The following SETX variants were observed in gnomAD, a reference collection of about 807,000 sequenced individuals.
SETX encodes the protein senataxin, also known as helicase senataxin.
SETX carries 90 observed loss-of-function variants against 227.2 expected under a neutral mutation model. That is an observed-to-expected ratio of 0.40 (90% CI 0.33 to 0.47). The LOEUF is 0.47. Among genes scored for constraint, SETX ranks in the 20% least tolerant of loss-of-function variants. SETX has a pLI of 0.91. For synonymous variants in SETX, 1,210 were observed against 1,113.2 expected (o/e 1.09, Z -1.73); for missense variants, 3,052 against 3,181.5 (o/e 0.96, Z 0.98).
At position 132,283,397 on chromosome 9, in the gene SETX, T is replaced by G. The variant is rs1405402191; in HGVS notation, c.6413A>C (p.Gln2138Pro). Reference sequence around the variant, plus strand: ...TAAGATGATGATACTCTGTGTTTTCTGTGGGCGTCCTTGAACCTAAGAGAA... The same window carrying G: ...TAAGATGATGATACTCTGTGTTTTCGGTGGGCGTCCTTGAACCTAAGAGAA... ...SKIKEVQGRP[Q>P]KTQSIIILES... The change falls in exon 19 of 26, where the codon CAG (glutamine) becomes CCG (proline). Residue 2138 changes from glutamine to proline, a missense_variant. This residue lies in a region of SETX where 412 missense variants were observed against 589.0 expected (regional missense o/e 0.70). Coordinates refer to ENST00000224140, the MANE Select transcript of SETX (RefSeq NM_015046.7). The G allele has an allele frequency of 5.0e-6, 8 of 1,614,234 alleles. No homozygotes were observed.
intron 10 of SETX, among the ~76,000 whole-genome samples, chr9:132,324,660 C>T (rs1337204553): frequency 6.6e-6 from 1 of 152,174 alleles, no homozygotes; most frequent in Non-Finnish European, 1.5e-5. Flanking sequence ...ATGGTCACTT[C>T]CAGAGAGCAG....
At chr9:132,336,212 C>T in intron 6 of SETX, 84 bp downstream of exon 6, 1 of 1,146,494 alleles carries the variant, frequency 8.7e-7, no homozygotes, top group Non-Finnish European at 1.3e-6. Context: ...CACTGCACTC[C>T]AGCCTGGGCA....
chr9:132,284,962 T>A (rs1843758652), intron 18 of SETX, among the ~76,000 whole-genome samples: 2 of 151,864 alleles, frequency 1.3e-5, no homozygotes, highest in South Asian at 2.1e-4. Flanking sequence ...CACTGCAAGC[T>A]CTGCCTCCCA....
chr9:132,268,950 C>G (rs1842773470), intron 25 of SETX, among the ~76,000 whole-genome samples: 1 of 152,138 alleles, frequency 6.6e-6, no homozygotes, highest in Admixed American at 6.5e-5. Context: ...CCAGGGGAAA[C>G]AGCCACCAAG....
intron 25 of SETX, among the ~76,000 whole-genome samples, chr9:132,267,340 C>G (rs1481850511): frequency 6.6e-6 from 1 of 152,200 alleles, no homozygotes; most frequent in African/African-American, 2.4e-5. Flanking sequence ...TAGCCTGTGG[C>G]TCAAACACAT....
chr9:132,336,133 C>G (rs1350249980), intron 6 of SETX, among the ~76,000 whole-genome samples, 163 bp downstream of exon 6: 2 of 152,154 alleles, frequency 1.3e-5, no homozygotes, highest in Non-Finnish European at 2.9e-5. Flanking sequence ...ATCACAGCTA[C>G]TCGGGAGGCT....
chr9:132,277,884 T>C (rs1174412696), intron 21 of SETX, among the ~76,000 whole-genome samples, 186 bp downstream of exon 21: 1 of 152,164 alleles, frequency 6.6e-6, no homozygotes, highest in African/African-American at 2.4e-5. Context: ...TAGGTGACTT[T>C]TTCCCCTTTT....
chr9:132,305,972 T>C (rs902208554), intron 11 of SETX, among the ~76,000 whole-genome samples: 8 of 152,212 alleles, frequency 5.3e-5, no homozygotes, highest in South Asian at 2.1e-4. Context: ...GTGAAGGTTA[T>C]AGGAACTCTA....
At chr9:132,323,621 G>T (rs1390431049) in intron 10 of SETX, among the ~76,000 whole-genome samples, 2 of 152,192 alleles carry the variant, frequency 1.3e-5, no homozygotes, top group African/African-American at 2.4e-5. Flanking sequence ...TGGAAGGAAG[G>T]CCAGGCGGGA....
chr9:132,296,982 A>G lies in SETX; in HGVS notation c.5854T>C (p.Ser1952Pro), dbSNP rs768960184. ...IETAYAMVKHSPSVAKICLIH... is the reference protein window; with the variant it reads ...IETAYAMVKHPPSVAKICLIH... ...AAGCAGATTTTGGCAACTGATGGTGAGTGTTTCACCATAGCATATGCAGTT... is the reference window on the plus strand; with the variant it reads ...AAGCAGATTTTGGCAACTGATGGTGGGTGTTTCACCATAGCATATGCAGTT... The change falls in exon 14 of 26, where the codon TCA becomes CCA. Residue 1952 changes from serine (S) to proline (P), a missense_variant. Transcript: ENST00000224140. 1.9e-6 allele frequency: 3 copies of G among 1,613,894 alleles called. No homozygotes were observed. The highest frequency in any genetic ancestry group is 2.5e-6 in the Non-Finnish European group (3 of 1,179,934).
intron 4 of SETX, among the ~76,000 whole-genome samples, chr9:132,345,075 G>A (rs1848210132): frequency 6.6e-6 from 1 of 152,104 alleles, no homozygotes; most frequent in Non-Finnish European, 1.5e-5. Flanking sequence ...CCCAAAAGGG[G>A]TATTCAGCAA....
intron 11 of SETX, among the ~76,000 whole-genome samples, chr9:132,301,632 G>C (rs1845002414): frequency 6.6e-6 from 1 of 152,124 alleles, no homozygotes; most frequent in Non-Finnish European, 1.5e-5. Flanking sequence ...GTAACATGCT[G>C]TACAGGTTGG....
In SETX at chr9:132,328,417, G is replaced by C. The variant is rs111537259; in HGVS notation, c.3181C>G (p.Pro1061Ala). 2.4e-5 allele frequency: 38 copies of C among 1,613,802 alleles called. No homozygotes were observed. The highest frequency in any genetic ancestry group is 2.3e-4 in the African/African-American group (17 of 74,986). Residue 1061 changes from proline (P) to alanine (A), a missense_variant, in exon 10 of 26, where the codon CCA (proline) becomes GCA (alanine). By Grantham distance (27) the Pro-to-Ala change is conservative. Coordinates refer to ENST00000224140, the MANE Select transcript of SETX (RefSeq NM_015046.7). ...STVNSKEEKNPVKEEKTETLF... is the reference protein window; with the variant it reads ...STVNSKEEKNAVKEEKTETLF... ...GTCTCTGTCTTTTCTTCCTTTACTG[G>C]ATTCTTTTCCTCCTTACTATTAACT...
At chr9:132,335,221 T>C (rs1847529423) in intron 6 of SETX, among the ~76,000 whole-genome samples, 1 of 151,344 alleles carries the variant, frequency 6.6e-6, no homozygotes, top group Non-Finnish European at 1.5e-5. Context: ...AAACCCCGTC[T>C]CTACTAAAAA....
At position 132,261,488 on chromosome 9, in the gene SETX, A is replaced by C. The variant is rs993816589; in HGVS notation, c.*2751T>G. 1 of 152,284 alleles carries C rather than the reference A, an allele frequency of 6.6e-6. No homozygotes were observed. The highest frequency in any genetic ancestry group is 2.4e-5 in the African/African-American group (1 of 41,454). 9.4% of individuals were successfully genotyped at this position (152,284 alleles called of 1,614,324 possible). On this transcript the variant is annotated 3_prime_UTR_variant, in exon 26 of 26. Coordinates refer to ENST00000224140, the MANE Select transcript of SETX (RefSeq NM_015046.7). ...CTTCATAATACATAACCTCTAATCCATGTCCATCTTCTTGTTTCTGCTTTT... is the reference window on the plus strand; with the variant it reads ...CTTCATAATACATAACCTCTAATCCCTGTCCATCTTCTTGTTTCTGCTTTT...
intron 12 of SETX, among the ~76,000 whole-genome samples, chr9:132,299,741 C>T (rs1453362498): frequency 1.3e-5 from 2 of 152,134 alleles, no homozygotes; most frequent in Non-Finnish European, 2.9e-5. Flanking sequence ...TGATGACAGC[C>T]TTGAAAATAG....
chr9:132,336,616 CAT>C (rs1226467750), intron 5 of SETX, 101 bp from the exon 6 acceptor site: 34 of 880,302 alleles, frequency 3.9e-5, no homozygotes, highest in African/African-American at 1.8e-4. Context: ...TTTTAAAAGA[CAT>C]GTGACATATT....
chr9:132,268,687 TG>T (rs1198134677), intron 25 of SETX, among the ~76,000 whole-genome samples: 3 of 152,246 alleles, frequency 2.0e-5, no homozygotes, highest in African/African-American at 7.2e-5. Flanking sequence ...TTAAGAGTGA[TG>T]TAATAATTTT....
At chr9:132,355,475 G>A (rs1047902709), upstream of SETX, among the ~76,000 whole-genome samples, 1 of 152,270 alleles carries the variant, frequency 6.6e-6, no homozygotes, top group South Asian at 2.1e-4. Context: ...AGGAATATGT[G>A]TATATCCTTT....
Sources: gnomAD v4.1 joint callset for allele counts (sites outside exome capture counted in the v4.1 genomes callset) on GRCh38, gnomAD v4.1.1 for gene constraint, gnomAD v4.1.1 regional missense constraint, MANE v1.5 for transcripts, NCBI Gene and HGNC (gene_info 2026-07-23, HGNC 2026-07-21) for gene names.